SEC14L2: variants seen among roughly 807,000 people sequenced by gnomAD.
The protein encoded by SEC14L2 is SEC14 like lipid binding 2, also known as SEC14-like protein 2.
SEC14L2 carries 50 observed loss-of-function variants against 56.9 expected under a neutral mutation model. The ratio of observed to expected loss-of-function variants is 0.88; its 90% CI spans 0.70 to 1.11. The LOEUF is 1.11. Among genes scored for constraint, SEC14L2 ranks in the 50% most tolerant of loss-of-function variants. The pLI is 0.00. For missense variants in SEC14L2, 414 were observed against 500.7 expected, an observed-to-expected ratio of 0.83 and a Z score of 1.65; for synonymous variants, 179 against 188.5, an observed-to-expected ratio of 0.95 and a Z score of 0.41.
At chr22:30,398,454 T>C (rs907199125) in intron 1 of SEC14L2, 2 of 339,278 alleles carry the variant, frequency 5.9e-6, no homozygotes, top group Non-Finnish European at 5.8e-6. Context: ...CAGGGAAAGG[T>C]GAATGGCTGG....
intron 8 of SEC14L2, among the ~76,000 whole-genome samples, chr22:30,413,311 C>A (rs947801844): frequency 6.6e-6 from 1 of 152,038 alleles, no homozygotes; most frequent in Non-Finnish European, 1.5e-5. Context: ...CATCAGGGTA[C>A]AAGGAAAAGT....
chr22:30,409,780 G>T (rs1471824285), intron 7 of SEC14L2, among the ~76,000 whole-genome samples: 1 of 152,188 alleles, frequency 6.6e-6, no homozygotes. Flanking sequence ...CATGCCTGTA[G>T]TTCCAGTTTC....
At chr22:30,399,607 G>A (rs771426116) in intron 1 of SEC14L2, 36 bp from the exon 2 acceptor site, 58 of 1,569,004 alleles carry the variant, frequency 3.7e-5, no homozygotes, top group Non-Finnish European at 4.6e-5. Context: ...CAGTCAGGGC[G>A]GGCCCTACCA....
intron 2 of SEC14L2, among the ~76,000 whole-genome samples, chr22:30,404,627 T>A (rs1184433611): frequency 1.3e-5 from 2 of 152,152 alleles, no homozygotes; most frequent in Non-Finnish European, 2.9e-5. Context: ...TGAAGTTGAC[T>A]GTAACAAGAG....
rs1221060562 is a variant in SEC14L2, at chr22:30,422,527, A to T, written c.*120A>T. 6.2e-6 allele frequency: 8 copies of T among 1,284,180 alleles called. No individual in the cohort carries two copies. Among genetic ancestry groups the T allele is most frequent in the Non-Finnish European group, 8.6e-6 (8 of 935,234 alleles). The allele number at this position is 1,284,180 out of a possible 1,614,324, so 79.5% of individuals were successfully genotyped here. A position where few individuals can be genotyped will look rare whatever the true frequency, so the allele number is the denominator to read the frequency against. On this transcript the variant is annotated 3_prime_UTR_variant, in exon 12 of 12. Transcript: ENST00000615189. ...GAAACTGGGCTGGAGGACAGACCTC[A>T]GGAGCTTTCATTTCAGTTAGGCAGA...
chr22:30,407,665 G>A (rs1162833487), intron 5 of SEC14L2, 62 bp downstream of exon 5: 4 of 1,488,960 alleles, frequency 2.7e-6, no homozygotes, highest in Non-Finnish European at 3.7e-6. Context: ...AGCAGAAGCA[G>A]GGATGTCACA....
At chr22:30,398,344 T>TGTGGG (rs1047468925) in intron 1 of SEC14L2, among the ~76,000 whole-genome samples, 3 of 152,102 alleles carry the variant, frequency 2.0e-5, no homozygotes, top group Non-Finnish European at 2.9e-5. Flanking sequence ...GGAGCTGCTT[T>TGTGGG]GTGGGGTGGG....
rs1225004132 is a variant in SEC14L2 at position 30,423,936 on chromosome 22, G to C, written c.*1529G>C. 2.6e-5 allele frequency: 4 copies of C among 152,286 alleles called. No individual in the cohort carries two copies. Among genetic ancestry groups the C allele is most frequent in the Non-Finnish European group, 1.5e-5 (1 of 68,056 alleles). The allele number at this position is 152,286 out of a possible 1,614,324, so 9.4% of individuals were successfully genotyped here. On this transcript the variant is annotated 3_prime_UTR_variant, in exon 12 of 12. Coordinates refer to ENST00000615189, the MANE Select transcript of SEC14L2 (RefSeq NM_012429.5). ...CGTCAGGGACCCGGACCCAGCAGCC[G>C]TTTCACGCCAATAGATAGGGCGCAT...
chr22:30,422,466 T>C lies in SEC14L2; in HGVS notation c.*59T>C. On this transcript the variant is annotated 3_prime_UTR_variant, in exon 12 of 12. Coordinates refer to ENST00000615189, the MANE Select transcript of SEC14L2 (RefSeq NM_012429.5). ...TGTCTCCCTGTCAATTTCTACCCCT[T>C]GTAGCAGTCATTTTCGCACAACCCT... 6.2e-7 allele frequency: 1 copy of C among 1,601,828 alleles called. No homozygotes were observed. The highest frequency in any genetic ancestry group is 8.5e-7 in the Non-Finnish European group (1 of 1,173,682).
Position 30,424,473 on chromosome 22 carries a change from T to C in SEC14L2, c.*2066T>C. 2.9e-6 allele frequency: 1 copy of C among 340,272 alleles called. No individual in the cohort carries two copies. Among genetic ancestry groups the C allele is most frequent in the Non-Finnish European group, 5.7e-6 (1 of 174,608 alleles). 21.1% of individuals were successfully genotyped at this position (340,272 alleles called of 1,614,324 possible). On this transcript the variant is annotated 3_prime_UTR_variant, in exon 12 of 12. Transcript: ENST00000615189. Reference sequence around the variant, plus strand: ...GGGAGCCAGCGGGGGCCTCAATAGTTACTCATTTTCTCTACCTTTGATGAA... The same window carrying C: ...GGGAGCCAGCGGGGGCCTCAATAGTCACTCATTTTCTCTACCTTTGATGAA...
chr22:30,407,606 G>C lies in SEC14L2; in HGVS notation c.423+3G>C. The C allele has an allele frequency of 6.2e-7, 1 of 1,611,830 alleles. No homozygotes were observed. Among genetic ancestry groups the C allele is most frequent in the Non-Finnish European group, 8.5e-7 (1 of 1,178,380 alleles). The stretch of plus-strand genomic sequence containing the variant: ...AGTGTGCCCACCAGACCACAAAGGT[G>C]AGTGGACCACCATGGCTAGAAATGA... On this transcript the variant is annotated splice_donor_region_variant and intron_variant, in intron 5 of 11. Coordinates refer to ENST00000615189, the MANE Select transcript of SEC14L2 (RefSeq NM_012429.5).
Position 30,409,343 on chromosome 22 carries a change from TC to T in SEC14L2, c.519+63del. 1.9e-6 allele frequency: 3 copies of T among 1,595,864 alleles called. 1 individual carries two copies. The highest frequency in any genetic ancestry group is 2.2e-5 in the South Asian group (2 of 90,674). On this transcript the variant is annotated intron_variant, in intron 6 of 11. Coordinates refer to ENST00000615189, the MANE Select transcript of SEC14L2 (RefSeq NM_012429.5). ...GAAGGGGAGGAGGAGTAGACCCCTCTCCTAGGCTGTCCTGTGGGATGGGTGA... is the reference window on the plus strand; with the variant it reads ...GAAGGGGAGGAGGAGTAGACCCCTCTCTAGGCTGTCCTGTGGGATGGGTGA...
intron 2 of SEC14L2, among the ~76,000 whole-genome samples, chr22:30,404,009 C>CAAAA (rs67366822): frequency 3.0e-4 from 28 of 93,210 alleles, no homozygotes; most frequent in Non-Finnish European, 4.0e-4. Flanking sequence ...GACTCCGTCT[C>CAAAA]AAAAAAAAAA....
intron 1 of SEC14L2, chr22:30,398,865 T>C (rs1933836595): frequency 2.2e-6 from 1 of 460,858 alleles, no homozygotes; most frequent in African/African-American, 2.0e-5. Flanking sequence ...ACCTTGGGCA[T>C]GTTACTTAGC....
At chr22:30,398,848 C>T (rs1933835978) in intron 1 of SEC14L2, 2 of 464,536 alleles carry the variant, frequency 4.3e-6, no homozygotes, top group South Asian at 3.1e-5. Flanking sequence ...TAATGACTAG[C>T]TGTTTGACCT....
intron 1 of SEC14L2, 34 bp downstream of exon 1, chr22:30,397,204 G>A (rs568611005): frequency 8.1e-6 from 12 of 1,489,060 alleles, no homozygotes; most frequent in Non-Finnish European, 1.1e-5. Flanking sequence ...CTCCCGCCTC[G>A]GGCTGTGGCC....
At chr22:30,407,984 C>T (rs1230165074) in intron 5 of SEC14L2, among the ~76,000 whole-genome samples, 1 of 151,976 alleles carries the variant, frequency 6.6e-6, no homozygotes, top group African/African-American at 2.4e-5. Flanking sequence ...TTGTTGCCAT[C>T]ATTAACACCC....
chr22:30,404,514 AGATGCCAAATCCACAGAGGACAT>A (rs1355349827), intron 2 of SEC14L2, among the ~76,000 whole-genome samples: 2 of 152,206 alleles, frequency 1.3e-5, no homozygotes, highest in Admixed American at 6.5e-5. Context: ...CAGCAAATCT[AGATGCCAAATCCACAGAGGACAT>A]ACAACTGGGA....
At chr22:30,409,562 C>T (rs1412797048) in intron 7 of SEC14L2, 76 bp downstream of exon 7, 1 of 1,367,322 alleles carries the variant, frequency 7.3e-7, no homozygotes. Context: ...GATGGAGGGT[C>T]AAACAGTGAG....
Sources: allele counts gnomAD v4.1 joint callset (sites outside exome capture counted in the v4.1 genomes callset), GRCh38; gene constraint gnomAD v4.1.1; transcripts MANE v1.5; gene names NCBI Gene and HGNC (gene_info 2026-07-23, HGNC 2026-07-21).